PPP1R13B: variants seen among roughly 807,000 people sequenced by gnomAD.
PPP1R13B encodes apoptosis-stimulating of p53 protein 1.
In PPP1R13B, 44 loss-of-function variants were observed where a neutral mutation model predicts 119.8. The observed-to-expected ratio is 0.37, with a 90% CI of 0.29 to 0.47. The LOEUF (loss-of-function observed/expected upper bound fraction) is 0.47, where lower values mean the gene tolerates loss of function less well. PPP1R13B is among the 20% of genes least tolerant of loss of function. The pLI, the probability that PPP1R13B is intolerant of heterozygous loss-of-function variation, is 0.99. For synonymous variants in PPP1R13B, 542 were observed against 561.5 expected (o/e 0.97, Z 0.49); for missense variants, 1,227 against 1,413.5 (o/e 0.87, Z 2.12).
rs182438551 is a variant in PPP1R13B, at chr14:103,787,239, A to G, written c.158-2325T>C. Among the ~76,000 whole-genome samples, 133 of 151,202 alleles carry G rather than the reference A, an allele frequency of 8.8e-4. 3 individuals carry two copies. The East Asian group carries it at 0.021, about 24-fold the overall frequency. ...TAAGGCAGGTGGACCACCTGAGGTTAGGAGTTCAAGACCAGCCTGGACAAC... is the reference window on the plus strand; with the variant it reads ...TAAGGCAGGTGGACCACCTGAGGTTGGGAGTTCAAGACCAGCCTGGACAAC... On this transcript the variant is annotated intron_variant, in intron 2 of 16. Transcript: ENST00000202556.
intron 4 of PPP1R13B, among the ~76,000 whole-genome samples, chr14:103,778,263 C>CTTTTT (rs34674155): frequency 1.0e-5 from 1 of 99,502 alleles, no homozygotes; most frequent in African/African-American, 4.2e-5. Context: ...CCACATCTGA[C>CTTTTT]TTTTTTTTTT....
At chr14:103,802,900 C>A (rs1403302922) in intron 1 of PPP1R13B, among the ~76,000 whole-genome samples, 3 of 152,164 alleles carry the variant, frequency 2.0e-5, no homozygotes, top group Non-Finnish European at 4.4e-5. Flanking sequence ...CTCGCAATAA[C>A]CCTGTCTTTC....
At chr14:103,745,694 C>T (rs920251030) in intron 9 of PPP1R13B, among the ~76,000 whole-genome samples, 2 of 152,260 alleles carry the variant, frequency 1.3e-5, no homozygotes, top group Admixed American at 1.3e-4. Context: ...GCAGCCCCTC[C>T]ACTTGGCTGG....
At chr14:103,848,261 C>T, upstream of PPP1R13B, 1 of 985,452 alleles carries the variant, frequency 1.0e-6, no homozygotes, top group South Asian at 4.7e-5. Context: ...ACCTGTGCCA[C>T]CTGTGCCCAC....
chr14:103,750,053 C>T (rs1195352666), intron 7 of PPP1R13B, 119 bp from the exon 8 acceptor site: 1 of 1,027,636 alleles, frequency 9.7e-7, no homozygotes, highest in East Asian at 2.5e-5. Context: ...TACATGCATG[C>T]ACTGCCACCT....
intron 6 of PPP1R13B, 133 bp downstream of exon 6, chr14:103,753,937 A>G: frequency 6.1e-6 from 7 of 1,145,862 alleles, no homozygotes; most frequent in Non-Finnish European, 8.7e-6. Flanking sequence ...AGATGCAAAT[A>G]ACAGAGCAAA....
At chr14:103,769,371 G>C (rs1433686835) in intron 4 of PPP1R13B, among the ~76,000 whole-genome samples, 1 of 152,024 alleles carries the variant, frequency 6.6e-6, no homozygotes, top group Non-Finnish European at 1.5e-5. Context: ...GATTACAGGT[G>C]TGGGCCACTG....
chr14:103,848,509 G>A, upstream of PPP1R13B: 1 of 985,056 alleles, frequency 1.0e-6, no homozygotes. Flanking sequence ...GGACCGCGGC[G>A]GAGAGCAGAC....
In PPP1R13B at chr14:103,742,369, A is replaced by G. The variant is rs1358902737; in HGVS notation, c.1321-78T>C. ...ATATTTCCACCCACATTCCCAAGAG[A>G]ATACACAGTAGAATTTGTAATCCGT... is the stretch of plus-strand genomic sequence containing the variant. On this transcript the variant is annotated intron_variant, in intron 10 of 16. Transcript: ENST00000202556. This position sits in a 1 kb window ranked among gnomAD's most constrained non-coding sequence, Gnocchi z 4.9. 1 of 1,474,508 alleles carries G rather than the reference A, an allele frequency of 6.8e-7. No homozygotes were observed. Among genetic ancestry groups the G allele is most frequent in the African/African-American group, 1.4e-5 (1 of 71,096 alleles). 91.3% of individuals were successfully genotyped at this position (1,474,508 alleles called of 1,614,324 possible).
At chr14:103,825,803 G>GTT (rs1048297276) in intron 1 of PPP1R13B, among the ~76,000 whole-genome samples, 1 of 151,704 alleles carries the variant, frequency 6.6e-6, no homozygotes, top group Non-Finnish European at 1.5e-5. Flanking sequence ...ACTGACGAAG[G>GTT]TGACTACACT....
intron 5 of PPP1R13B, among the ~76,000 whole-genome samples, chr14:103,757,147 A>C: frequency 1.3e-5 from 2 of 148,796 alleles, no homozygotes; most frequent in South Asian, 2.1e-4. Context: ...ACTGCAACCA[A>C]CTCCTGGGCT....
chr14:103,835,818 C>T (rs1325569062), intron 1 of PPP1R13B, among the ~76,000 whole-genome samples: 1 of 151,574 alleles, frequency 6.6e-6, no homozygotes, highest in Non-Finnish European at 1.5e-5. Flanking sequence ...ACTGTGTTAG[C>T]CAGGATGGTC....
intron 1 of PPP1R13B, among the ~76,000 whole-genome samples, chr14:103,817,393 A>C (rs2086305878): frequency 6.6e-6 from 1 of 152,110 alleles, no homozygotes; most frequent in Non-Finnish European, 1.5e-5. Flanking sequence ...TAAATTTACT[A>C]ATCTCCATAT....
chr14:103,784,810 C>T lies in PPP1R13B; in HGVS notation c.262G>A (p.Glu88Lys). Reference sequence around the variant, plus strand: ...AGTTATCTACCTTGTTCACTGTTCTCAGTTGGGGAGTCCTCGTGTCGAAGG... The same window carrying T: ...AGTTATCTACCTTGTTCACTGTTCTTAGTTGGGGAGTCCTCGTGTCGAAGG... ...FFLRHEDSPT[E>K]NSEQGGRQTQ... Residue 88 changes from glutamate (E) to lysine (K), a missense_variant, in exon 3 of 17, where the codon GAG becomes AAG. Physicochemically the swap from Glu to Lys is moderately conservative, Grantham distance 56. Transcript: ENST00000202556. 3 of 1,606,054 alleles carry T rather than the reference C, an allele frequency of 1.9e-6. No individual in the cohort carries two copies. Among genetic ancestry groups the T allele is most frequent in the Non-Finnish European group, 1.7e-6 (2 of 1,173,976 alleles).
intron 1 of PPP1R13B, among the ~76,000 whole-genome samples, chr14:103,824,109 G>T (rs899393384): frequency 2.2e-5 from 3 of 137,854 alleles, no homozygotes; most frequent in African/African-American, 8.1e-5. Context: ...GCAGTGGCGC[G>T]ATCTCGGCTC....
chr14:103,751,519 G>A (rs76525869), intron 7 of PPP1R13B, among the ~76,000 whole-genome samples: 1 of 152,140 alleles, frequency 6.6e-6, no homozygotes. Context: ...AAAATCTTAA[G>A]GATTGTTAAG....
At chr14:103,762,025 A>ATAC (rs1404569878) in intron 4 of PPP1R13B, among the ~76,000 whole-genome samples, 1 of 152,174 alleles carries the variant, frequency 6.6e-6, no homozygotes, top group Non-Finnish European at 1.5e-5. Flanking sequence ...TGTTGTGCAC[A>ATAC]TGTGCTGGCT....
chr14:103,801,424 T>G (rs10143207), intron 1 of PPP1R13B, among the ~76,000 whole-genome samples: 19,838 of 152,026 alleles, frequency 0.13, 1,946 homozygotes, highest in African/African-American at 0.27. Context: ...TAAACCTCCC[T>G]CCATCAGCAT....
At chr14:103,794,583 C>T (rs568633035) in intron 2 of PPP1R13B, 25 of 431,464 alleles carry the variant, frequency 5.8e-5, no homozygotes, top group African/African-American at 4.1e-4. Context: ...CCACCTCGGC[C>T]TCCCAAAGTG....
Sources: allele counts gnomAD v4.1 joint callset (sites outside exome capture counted in the v4.1 genomes callset), GRCh38; gene constraint gnomAD v4.1.1; non-coding constraint Gnocchi (gnomAD v3.1); transcripts MANE v1.5; gene names NCBI Gene and HGNC (gene_info 2026-07-23, HGNC 2026-07-21).